Variants in POF1B observed in about 807,000 individuals in gnomAD.
POF1B encodes POF1B actin binding protein.
In POF1B, 53 loss-of-function variants were observed where a neutral mutation model predicts 55.3. The ratio of observed to expected loss-of-function variants is 0.96; its 90% CI spans 0.77 to 1.20. The LOEUF (loss-of-function observed/expected upper bound fraction) is 1.20, where lower values mean the gene tolerates loss of function less well. POF1B is among the 50% of genes most tolerant of loss of function. POF1B has a pLI of 0.00. For synonymous variants in POF1B, 188 were observed against 148.3 expected (o/e 1.27, Z -1.95); for missense variants, 478 against 420.5 (o/e 1.14, Z -1.20).
intron 15 of POF1B, among the ~76,000 whole-genome samples, chrX:85,294,259 A>T (rs1365487451): frequency 1.8e-5 from 2 of 111,429 alleles, no homozygotes; most frequent in African/African-American, 3.3e-5. Flanking sequence ...ACTATGTTGA[A>T]TGGGAGGGTT....
intron 4 of POF1B, among the ~76,000 whole-genome samples, chrX:85,355,474 C>G (rs752404382): frequency 9.0e-6 from 1 of 111,260 alleles, no homozygotes; most frequent in Admixed American, 9.6e-5. Context: ...TAATTAAACT[C>G]AAGAGCTTCT....
chrX:85,318,368 A>G (rs997522010), intron 7 of POF1B, among the ~76,000 whole-genome samples: 2 of 111,812 alleles, frequency 1.8e-5, no homozygotes, highest in Admixed American at 9.5e-5. Flanking sequence ...GAAGTTCTTT[A>G]GTTCAATTAG....
intron 6 of POF1B, among the ~76,000 whole-genome samples, chrX:85,339,341 A>G (rs760696979): frequency 2.7e-4 from 30 of 110,963 alleles, no homozygotes; most frequent in African/African-American, 9.8e-4. Flanking sequence ...CCCACAACAC[A>G]TGATCATTCA....
intron 4 of POF1B, 130 bp downstream of exon 4, chrX:85,359,420 T>A (rs1275966746): frequency 4.1e-6 from 2 of 484,491 alleles, no homozygotes; most frequent in East Asian, 7.5e-5. Flanking sequence ...ATACTGATAA[T>A]CAGCAATTTA....
chrX:85,301,223 G>A (rs985208303), intron 15 of POF1B, among the ~76,000 whole-genome samples: 4 of 111,222 alleles, frequency 3.6e-5, no homozygotes, highest in African/African-American at 1.3e-4. Context: ...ACAGTCAAGG[G>A]CCATAGAAAA....
At chrX:85,308,414 G>A (rs1351914375) in intron 9 of POF1B, among the ~76,000 whole-genome samples, 198 bp from the exon 10 acceptor site, 1 of 111,338 alleles carries the variant, frequency 9.0e-6, no homozygotes, top group Non-Finnish European at 1.9e-5. Context: ...AGCATAGCTA[G>A]TATTTATAAC....
At chrX:85,304,104 T>C (rs1932517510) in intron 14 of POF1B, among the ~76,000 whole-genome samples, 1 of 111,639 alleles carries the variant, frequency 9.0e-6, no homozygotes, top group African/African-American at 3.2e-5. Flanking sequence ...AAAATCAATG[T>C]CTTAAAAATA....
In POF1B at chrX:85,377,810, G is replaced by T. The variant is rs1345057104; in HGVS notation, c.282+1363C>A. Among the ~76,000 whole-genome samples the T allele has an allele frequency of 2.7e-5, 3 of 111,856 alleles. No homozygotes were observed. The Admixed American group carries it at 2.9e-4, about 11-fold the overall frequency. ...ATAATAAAACATACTCCTAAAAATT[G>T]TCCGGTAGCCAATATTTATAATTTG... On this transcript the variant is annotated intron_variant, in intron 2 of 16. Coordinates refer to ENST00000262753, the MANE Select transcript of POF1B (RefSeq NM_024921.4).
intron 7 of POF1B, 115 bp from the exon 8 acceptor site, chrX:85,315,849 T>C: frequency 1.8e-6 from 1 of 559,722 alleles, no homozygotes; most frequent in Non-Finnish European, 2.6e-6. Flanking sequence ...GAGGACTTAT[T>C]CAATTTATAA....
At chrX:85,368,873 G>T (rs772837173) in intron 2 of POF1B, among the ~76,000 whole-genome samples, 8 of 111,271 alleles carry the variant, frequency 7.2e-5, no homozygotes, top group Non-Finnish European at 1.1e-4. Flanking sequence ...CAATTGGCAC[G>T]ACTCCATTAT....
At chrX:85,319,634 T>A (rs1409275463) in intron 7 of POF1B, among the ~76,000 whole-genome samples, 1 of 111,547 alleles carries the variant, frequency 9.0e-6, no homozygotes, top group East Asian at 2.8e-4. Context: ...ATCATGTGAT[T>A]TTTGTTTTCA....
intron 3 of POF1B, among the ~76,000 whole-genome samples, chrX:85,364,906 G>A (rs560993376): frequency 1.2e-4 from 13 of 111,813 alleles, no homozygotes; most frequent in Middle Eastern, 9.1e-3. Context: ...GATTTAGCTT[G>A]TTTACATAAT....
At chrX:85,319,757 C>G (rs1932818555) in intron 7 of POF1B, among the ~76,000 whole-genome samples, 1 of 111,255 alleles carries the variant, frequency 9.0e-6, no homozygotes, top group African/African-American at 3.3e-5. Flanking sequence ...CGATGTGCTG[C>G]TTAATTTGGT....
At chrX:85,359,370 T>C (rs1419910507) in intron 4 of POF1B, among the ~76,000 whole-genome samples, 180 bp downstream of exon 4, 1 of 111,428 alleles carries the variant, frequency 9.0e-6, no homozygotes, top group Admixed American at 9.6e-5. Flanking sequence ...TCAGAATATA[T>C]AGACTCATGG....
intron 2 of POF1B, among the ~76,000 whole-genome samples, chrX:85,375,765 G>C (rs1179663229): frequency 9.0e-6 from 1 of 111,583 alleles, no homozygotes; most frequent in Non-Finnish European, 1.9e-5. Context: ...TATAAACAAA[G>C]GTAAGCCCCA....
chrX:85,318,063 C>T (rs768859586), intron 7 of POF1B, among the ~76,000 whole-genome samples: 23 of 110,617 alleles, frequency 2.1e-4, no homozygotes, highest in African/African-American at 7.6e-4. Flanking sequence ...CATACTGGGG[C>T]CTATTAAAAG....
intron 15 of POF1B, among the ~76,000 whole-genome samples, chrX:85,296,238 C>T (rs989308421): frequency 9.0e-6 from 1 of 111,451 alleles, no homozygotes; most frequent in Non-Finnish European, 1.9e-5. Context: ...TTTTTACATT[C>T]AAGGTTAGTT....
chrX:85,367,017 G>GT (rs1933735313), intron 3 of POF1B, among the ~76,000 whole-genome samples: 1 of 111,136 alleles, frequency 9.0e-6, no homozygotes, highest in Non-Finnish European at 1.9e-5. Flanking sequence ...GGGTCAGATT[G>GT]TTTTTTTAAA....
intron 2 of POF1B, among the ~76,000 whole-genome samples, chrX:85,368,970 A>G (rs1283427317): frequency 1.8e-5 from 2 of 111,949 alleles, no homozygotes; most frequent in Non-Finnish European, 3.8e-5. Flanking sequence ...GGAAACACTG[A>G]CAGACTCATA....
Sources: allele counts gnomAD v4.1 joint callset (sites outside exome capture counted in the v4.1 genomes callset), GRCh38; gene constraint gnomAD v4.1.1; transcripts MANE v1.5; gene names NCBI Gene and HGNC (gene_info 2026-07-23, HGNC 2026-07-21).